The following MPHOSPH9 variants were observed in gnomAD, a reference collection of about 807,000 sequenced individuals.
MPHOSPH9 encodes the protein M-phase phosphoprotein 9.
A neutral mutation model predicts 145.5 loss-of-function variants in MPHOSPH9; 88 were observed. That is an observed-to-expected ratio of 0.60 (90% CI 0.51 to 0.72). The LOEUF is 0.72. Among genes scored for constraint, MPHOSPH9 ranks in the 30% least tolerant of loss-of-function variants. The pLI is 0.00. For missense variants in MPHOSPH9, 1,238 were observed against 1,386.6 expected (o/e 0.89, Z 1.70); for synonymous variants, 435 against 486.2 (o/e 0.89, Z 1.39).
At chr12:123,163,337 CAGACA>C in intron 19 of MPHOSPH9, 1 of 500,260 alleles carries the variant, frequency 2.0e-6, no homozygotes, top group East Asian at 3.7e-5. Flanking sequence ...TGTAGTATAT[CAGACA>C]GTACTTTCAG....
At chr12:123,165,630 G>A in intron 17 of MPHOSPH9, 153 bp from the exon 18 acceptor site, 1 of 645,162 alleles carries the variant, frequency 1.5e-6, no homozygotes, top group Non-Finnish European at 2.6e-6. Context: ...GGTTGGATGA[G>A]GTCATGAGGG....
chr12:123,241,157 TG>T (rs201605889), intron 1 of MPHOSPH9, among the ~76,000 whole-genome samples: 9 of 138,760 alleles, frequency 6.5e-5, no homozygotes, highest in Non-Finnish European at 8.1e-5. Context: ...TTTTTGTTTT[TG>T]TTTTTTTTTT....
upstream of MPHOSPH9, among the ~76,000 whole-genome samples, chr12:123,237,194 C>T (rs914402489): frequency 2.0e-5 from 3 of 152,126 alleles, no homozygotes; most frequent in Non-Finnish European, 4.4e-5. Flanking sequence ...CTGTGGCTCA[C>T]GCCTGTAATC....
rs1440950234 is a variant in MPHOSPH9 at position 123,155,820 on chromosome 12, C to T, written c.*987G>A. On this transcript the variant is annotated 3_prime_UTR_variant, in exon 24 of 24. Transcript: ENST00000606320. ...GAAGGCACCAGGCTCCATCCGGACA[C>T]ACTCCCTGTCCATTAACAAATACAG... 6.6e-6 allele frequency: 1 copy of T among 152,226 alleles called. No homozygotes were observed. The highest frequency in any genetic ancestry group is 2.4e-5 in the African/African-American group (1 of 41,450). 9.4% of individuals were successfully genotyped at this position (152,226 alleles called of 1,614,324 possible).
At chr12:123,158,002 T>C (rs911834877) in intron 23 of MPHOSPH9, among the ~76,000 whole-genome samples, 1 of 151,562 alleles carries the variant, frequency 6.6e-6, no homozygotes, top group African/African-American at 2.4e-5. Context: ...TTTTTTTTGG[T>C]TGGGGGAGAC....
intron 18 of MPHOSPH9, among the ~76,000 whole-genome samples, chr12:123,164,418 A>G (rs2044227721): frequency 6.6e-6 from 1 of 152,200 alleles, no homozygotes; most frequent in African/African-American, 2.4e-5. Context: ...ACTAAGAGAC[A>G]CTGCTTGGGA....
At position 123,229,821 on chromosome 12, in the gene MPHOSPH9, AT is replaced by A. The variant is rs370919298; in HGVS notation, c.104+439del. 5.4e-3 allele frequency among the ~76,000 whole-genome samples: 735 copies of A among 135,770 alleles called. 3 individuals carry two copies. Among genetic ancestry groups the A allele is most frequent in the African/African-American group, 0.017 (644 of 37,052 alleles). 89.1% of individuals were successfully genotyped at this position (135,770 alleles called of 152,430 possible). ...CTGACTTAAACATCTGTCCCCGAAC[AT>A]TTTTTTTTTTTTTTTTTGAGACAGA... is the stretch of plus-strand genomic sequence containing the variant. On this transcript the variant is annotated intron_variant, in intron 2 of 23. Transcript: ENST00000606320.
intron 1 of MPHOSPH9, among the ~76,000 whole-genome samples, chr12:123,232,467 AC>A (rs2047695005): frequency 6.6e-6 from 1 of 151,898 alleles, no homozygotes; most frequent in Admixed American, 6.6e-5. Context: ...TGGTGTCCCT[AC>A]CCCCTAGCAA....
intron 17 of MPHOSPH9, among the ~76,000 whole-genome samples, chr12:123,165,805 T>C (rs1479681589): frequency 2.6e-5 from 4 of 152,012 alleles, no homozygotes; most frequent in African/African-American, 9.7e-5. Flanking sequence ...CCTCCAGAGG[T>C]AGAGAAAGAA....
chr12:123,191,258 T>C (rs545439359), intron 13 of MPHOSPH9, among the ~76,000 whole-genome samples: 1 of 151,194 alleles, frequency 6.6e-6, no homozygotes, highest in Non-Finnish European at 1.5e-5. Context: ...GAGGCGGAGG[T>C]TGTGGTGAGC....
intron 8 of MPHOSPH9, among the ~76,000 whole-genome samples, chr12:123,209,707 C>G: frequency 6.6e-6 from 1 of 151,286 alleles, no homozygotes; most frequent in Non-Finnish European, 1.5e-5. Context: ...CCACCACGCC[C>G]AGTCCACGGT....
intron 13 of MPHOSPH9, among the ~76,000 whole-genome samples, chr12:123,184,139 G>A (rs1289949181): frequency 6.6e-6 from 1 of 151,802 alleles, no homozygotes. Flanking sequence ...CCAGGGGTTT[G>A]AAGATGCAGT....
rs763588203 is a variant in MPHOSPH9 at position 123,161,371 on chromosome 12, G to A, written c.3146C>T (p.Ser1049Phe). The stretch of plus-strand genomic sequence containing the variant: ...AACATGGTTATCGGTGGCTTTCTCA[G>A]AATAAGTTTTTTCTGTCAGAGAGGA... ...PLDDSEEKTY[S>F]EKATDNHVNH... is the part of the protein sequence containing the mutation. The change falls in exon 22 of 24, where the codon TCT becomes TTT. Residue 1049 changes from serine (S) to phenylalanine (F), a missense_variant. Around this residue, in one of 3 missense-constraint regions of MPHOSPH9, gnomAD observed 393 missense variants for 462.5 expected, o/e 0.85. Transcript: ENST00000606320. The A allele has an allele frequency of 3.7e-6, 6 of 1,613,936 alleles. No individual in the cohort carries two copies. Among genetic ancestry groups the A allele is most frequent in the South Asian group, 1.1e-5 (1 of 91,056 alleles).
upstream of MPHOSPH9, among the ~76,000 whole-genome samples, chr12:123,234,402 AG>A (rs1047409241): frequency 9.6e-6 from 1 of 104,686 alleles, no homozygotes; most frequent in Admixed American, 1.0e-4. Context: ...TTTGTGGGGG[AG>A]GGGGGTAGGG....
intron 16 of MPHOSPH9, among the ~76,000 whole-genome samples, chr12:123,171,306 T>C (rs1274943543): frequency 2.0e-5 from 3 of 150,814 alleles, no homozygotes; most frequent in African/African-American, 7.3e-5. Context: ...ATACAACAAA[T>C]TAGCAGGCAT....
chr12:123,164,307 T>C (rs2044223990), intron 18 of MPHOSPH9, among the ~76,000 whole-genome samples: 1 of 152,208 alleles, frequency 6.6e-6, no homozygotes, highest in Non-Finnish European at 1.5e-5. Flanking sequence ...AAGAAAAATA[T>C]GGGAGTTTAT....
chr12:123,221,939 ACAT>A, intron 4 of MPHOSPH9, 44 bp from the exon 5 acceptor site: 2 of 1,031,196 alleles, frequency 1.9e-6, no homozygotes, highest in Non-Finnish European at 2.8e-6. Flanking sequence ...AGTATATTAA[ACAT>A]CATATTTTTA....
At chr12:123,217,081 C>T (rs189372422) in intron 6 of MPHOSPH9, among the ~76,000 whole-genome samples, 57 of 151,988 alleles carry the variant, frequency 3.8e-4, no homozygotes, top group Middle Eastern at 3.4e-3. Flanking sequence ...TTTTAAAAAA[C>T]CTTACTCAAT....
intron 1 of MPHOSPH9, among the ~76,000 whole-genome samples, chr12:123,242,765 T>C (rs1817996339): frequency 1.3e-5 from 2 of 152,200 alleles, no homozygotes; most frequent in African/African-American, 2.4e-5. Context: ...AGCACTCTCA[T>C]CTCCATCCTT....
Sources: gnomAD v4.1 joint callset for allele counts (sites outside exome capture counted in the v4.1 genomes callset) on GRCh38, gnomAD v4.1.1 for gene constraint, gnomAD v4.1.1 regional missense constraint, MANE v1.5 for transcripts, NCBI Gene and HGNC (gene_info 2026-07-23, HGNC 2026-07-21) for gene names.